Variants in MAP4K1 observed in about 807,000 individuals in gnomAD.
MAP4K1 encodes the protein mitogen-activated protein kinase kinase kinase kinase 1.
In MAP4K1, 35 loss-of-function variants were observed where a neutral mutation model predicts 122.8. The ratio of observed to expected loss-of-function variants is 0.29; its 90% CI spans 0.22 to 0.38. The LOEUF (loss-of-function observed/expected upper bound fraction) is 0.38, where lower values mean the gene tolerates loss of function less well. Among genes scored for constraint, MAP4K1 ranks in the 10% least tolerant of loss-of-function variants. The pLI is 1.00. For synonymous variants in MAP4K1, 412 were observed against 421.3 expected, an observed-to-expected ratio of 0.98 and a Z score of 0.27; for missense variants, 791 against 1,072.6, an observed-to-expected ratio of 0.74 and a Z score of 3.67.
chr19:38,608,828 A>AAAAAAAAAAAAAAC lies in MAP4K1; in HGVS notation c.1007-659_1007-658insGTTTTTTTTTTTTT, dbSNP rs1555811720. On this transcript the variant is annotated intron_variant, in intron 13 of 30. Transcript: ENST00000396857. The stretch of plus-strand genomic sequence containing the variant: ...AAAAAAAAAAAAAAAAAAAAAAAAA[A>AAAAAAAAAAAAAAC]ACATTAGCCACGCGTGGTGAATAAG... Among the ~76,000 whole-genome samples the AAAAAAAAAAAAAAC allele has an allele frequency of 1.5e-3, 199 of 137,228 alleles. 11 individuals carry two copies. The highest frequency in any genetic ancestry group is 2.4e-3 in the Non-Finnish European group (145 of 61,426). 90.0% of individuals were successfully genotyped at this position (137,228 alleles called of 152,430 possible).
At position 38,601,530 on chromosome 19, in the gene MAP4K1, G is replaced by A; in HGVS notation, c.1447-5C>T. 1 of 1,599,676 alleles carries A rather than the reference G, an allele frequency of 6.3e-7. No homozygotes were observed. Among genetic ancestry groups the A allele is most frequent in the Non-Finnish European group, 8.5e-7 (1 of 1,173,500 alleles). On this transcript the variant is annotated splice_polypyrimidine_tract_variant and splice_region_variant and intron_variant, in intron 19 of 30. Transcript: ENST00000396857. ...CTTTACGAGAAGGGCACATCCCTGGGCAGGTCGCCGCGGGGCCAGGCAGCA... is the reference window on the plus strand; with the variant it reads ...CTTTACGAGAAGGGCACATCCCTGGACAGGTCGCCGCGGGGCCAGGCAGCA...
chr19:38,606,698 A>C (rs187065533), intron 16 of MAP4K1, among the ~76,000 whole-genome samples: 1 of 152,146 alleles, frequency 6.6e-6, no homozygotes, highest in South Asian at 2.1e-4. Context: ...CCTACAAAAA[A>C]ATGATTAGCC....
At position 38,597,126 on chromosome 19, in the gene MAP4K1, T is replaced by C; in HGVS notation, c.1849A>G (p.Ser617Gly). ...CRACCVAEGA[S>G]SGGPFLCGAL... The stretch of plus-strand genomic sequence containing the variant: ...CCGCACAGGAACGGGCCCCCAGAGC[T>C]CGCACCCTCCGCTGTGGCATGGGCA... The change falls in exon 25 of 31, where the codon AGC becomes GGC. Residue 617 changes from serine to glycine, a missense_variant. By Grantham distance (56) the Ser-to-Gly change is moderately conservative. This residue lies in a region of MAP4K1 where 267 missense variants were observed against 323.0 expected (regional missense o/e 0.83). Transcript: ENST00000396857. This position sits in a 1 kb window ranked among gnomAD's most constrained non-coding sequence, Gnocchi z 4.6. The C allele has an allele frequency of 6.2e-7, 1 of 1,614,140 alleles. No homozygotes were observed. The highest frequency in any genetic ancestry group is 8.5e-7 in the Non-Finnish European group (1 of 1,180,010).
chr19:38,591,032 G>A (rs1323837818), intron 30 of MAP4K1, among the ~76,000 whole-genome samples: 9 of 150,806 alleles, frequency 6.0e-5, no homozygotes, highest in Admixed American at 2.6e-4. Flanking sequence ...GTGCGCATAA[G>A]AAAGAGAAGA....
At chr19:38,594,957 TTATCTATCTATC>T (rs4018120) in intron 29 of MAP4K1, among the ~76,000 whole-genome samples, 351 of 146,672 alleles carry the variant, frequency 2.4e-3, no homozygotes, top group Middle Eastern at 7.0e-3. Context: ...TAAATAAATT[TTATCTATCTATC>T]TATCTATCTA....
intron 29 of MAP4K1, 59 bp from the exon 30 acceptor site, chr19:38,593,396 C>T: frequency 6.8e-7 from 1 of 1,477,292 alleles, no homozygotes; most frequent in South Asian, 1.2e-5. Context: ...TCACTACGAA[C>T]ATGGCTCCCT....
chr19:38,592,127 AG>A lies in MAP4K1; in HGVS notation c.2396+1154del, dbSNP rs148297679. 8.3e-3 allele frequency among the ~76,000 whole-genome samples: 1,267 copies of A among 152,240 alleles called. 20 individuals carry two copies. The highest frequency in any genetic ancestry group is 0.029 in the African/African-American group (1,214 of 41,536). ...TCTCTACAAAAAAATTTTAAAAATT[AG>A]CCAGTTGTGGTGGTGTATGCCTGTG... On this transcript the variant is annotated intron_variant, in intron 30 of 30. Coordinates refer to ENST00000396857, the MANE Select transcript of MAP4K1 (RefSeq NM_001042600.3).
intron 16 of MAP4K1, among the ~76,000 whole-genome samples, chr19:38,607,560 A>T (rs1180482967): frequency 4.2e-5 from 3 of 70,958 alleles, no homozygotes; most frequent in African/African-American, 1.4e-4. Context: ...ACTCCATCTC[A>T]AAAAAAAAAA....
chr19:38,605,357 G>C, intron 19 of MAP4K1, 52 bp downstream of exon 19: 35 of 1,341,826 alleles, frequency 2.6e-5, no homozygotes, highest in Non-Finnish European at 3.3e-5. Flanking sequence ...ACCCCACCAG[G>C]CATCCCCAGC....
At chr19:38,589,278 G>A in intron 30 of MAP4K1, 1 of 258,912 alleles carries the variant, frequency 3.9e-6, no homozygotes, top group South Asian at 3.2e-5. Context: ...ACTCCAGCCT[G>A]GGGGACAGAG....
chr19:38,602,584 A>C (rs908938810), intron 19 of MAP4K1, among the ~76,000 whole-genome samples: 1 of 147,486 alleles, frequency 6.8e-6, no homozygotes, highest in Non-Finnish European at 1.5e-5. Flanking sequence ...ATATATATAC[A>C]CATGTACATA....
At chr19:38,602,834 G>GCATATACATATATACA (rs1488378654) in intron 19 of MAP4K1, among the ~76,000 whole-genome samples, 2 of 105,484 alleles carry the variant, frequency 1.9e-5, no homozygotes, top group African/African-American at 4.0e-5. Flanking sequence ...ACATATATAC[G>GCATATACATATATACA]CATATACATA....
intron 9 of MAP4K1, among the ~76,000 whole-genome samples, chr19:38,612,151 G>A (rs1209203116): frequency 6.6e-6 from 1 of 151,776 alleles, no homozygotes; most frequent in Non-Finnish European, 1.5e-5. Context: ...TGGGTGCAGT[G>A]GTTCACGCCT....
intron 30 of MAP4K1, among the ~76,000 whole-genome samples, chr19:38,591,608 A>C (rs569393741): frequency 6.6e-6 from 1 of 151,966 alleles, no homozygotes; most frequent in East Asian, 1.9e-4. Flanking sequence ...GTTTTAAATT[A>C]TGTCAAAATA....
At chr19:38,611,954 G>C (rs2144738277) in intron 9 of MAP4K1, among the ~76,000 whole-genome samples, 1 of 151,916 alleles carries the variant, frequency 6.6e-6, no homozygotes, top group Non-Finnish European at 1.5e-5. Flanking sequence ...ACAAAAATTA[G>C]CCAGGCATGG....
At chr19:38,608,603 C>T (rs1975399113) in intron 13 of MAP4K1, among the ~76,000 whole-genome samples, 1 of 151,808 alleles carries the variant, frequency 6.6e-6, no homozygotes, top group Admixed American at 6.6e-5. Flanking sequence ...CATGATCAGC[C>T]TGGTCAACAT....
At chr19:38,601,361 G>T in intron 20 of MAP4K1, 80 bp downstream of exon 20, 33 of 1,309,212 alleles carry the variant, frequency 2.5e-5, no homozygotes, top group Non-Finnish European at 3.5e-5. Flanking sequence ...CTGCCTTTGT[G>T]CCTTCCTTAG....
Position 38,617,211 on chromosome 19 carries a change from C to G in MAP4K1, c.248+143G>C. 1.6e-6 allele frequency: 1 copy of G among 643,834 alleles called. No individual in the cohort carries two copies. The highest frequency in any genetic ancestry group is 2.7e-6 in the Non-Finnish European group (1 of 364,656). The allele number at this position is 643,834 out of a possible 1,614,324, so 39.9% of individuals were successfully genotyped here. A position where few individuals can be genotyped will look rare whatever the true frequency, so the allele number is the denominator to read the frequency against. On this transcript the variant is annotated intron_variant, in intron 3 of 30. Transcript: ENST00000396857. This position sits in a 1 kb window ranked among gnomAD's most constrained non-coding sequence, Gnocchi z 4.1. ...AGTGAGCTGAGATCATGCCACTGCACTCCAGCCTGGCAACAGAACAAGACT... is the reference window on the plus strand; with the variant it reads ...AGTGAGCTGAGATCATGCCACTGCAGTCCAGCCTGGCAACAGAACAAGACT...
chr19:38,590,997 ACACATATACT>A (rs1974710942), intron 30 of MAP4K1, among the ~76,000 whole-genome samples: 2 of 151,454 alleles, frequency 1.3e-5, no homozygotes, highest in South Asian at 4.2e-4. Context: ...ACACACACAC[ACACATATACT>A]TGTATGTGTG....
Sources: allele counts gnomAD v4.1 joint callset (sites outside exome capture counted in the v4.1 genomes callset), GRCh38; gene constraint gnomAD v4.1.1; regional missense constraint gnomAD v4.1.1; non-coding constraint Gnocchi (gnomAD v3.1); transcripts MANE v1.5; gene names NCBI Gene and HGNC (gene_info 2026-07-23, HGNC 2026-07-21).